Variants in MBOAT4 observed in about 807,000 individuals in gnomAD.
MBOAT4 encodes membrane-bound ghrelin O-acyltransferase MBOAT4.
Under a neutral mutation model 13.2 loss-of-function variants are expected in MBOAT4, and 11 were observed. The ratio of observed to expected loss-of-function variants is 0.84; its 90% CI spans 0.53 to 1.38. The LOEUF (loss-of-function observed/expected upper bound fraction) is 1.38. Among genes scored for constraint, MBOAT4 ranks in the 40% most tolerant of loss-of-function variants. The pLI, the probability that MBOAT4 is intolerant of heterozygous loss-of-function variation, is 0.00. For missense variants in MBOAT4, 481 were observed against 527.2 expected (o/e 0.91, Z 0.86); for synonymous variants, 202 against 210.3 (o/e 0.96, Z 0.34).
intron 2 of MBOAT4, chr8:30,138,310 ACACTAACATT>A: frequency 2.2e-6 from 1 of 450,718 alleles, no homozygotes; most frequent in Non-Finnish European, 4.1e-6. Flanking sequence ...CTGGGCGGTT[ACACTAACATT>A]CACAACAATC....
intron 1 of MBOAT4, among the ~76,000 whole-genome samples, chr8:30,140,409 T>C (rs919207373): frequency 6.6e-6 from 1 of 152,266 alleles, no homozygotes; most frequent in African/African-American, 2.4e-5. Flanking sequence ...TGGACTCTTT[T>C]TTGTCAGCAC....
chr8:30,133,213 G>A (rs1803066262), intron 2 of MBOAT4, among the ~76,000 whole-genome samples: 1 of 152,008 alleles, frequency 6.6e-6, no homozygotes, highest in Non-Finnish European at 1.5e-5. Flanking sequence ...CACCGCCCCT[G>A]GCAATATTTA....
In MBOAT4 at chr8:30,138,623, A is replaced by G; in HGVS notation, c.253T>C (p.Trp85Arg). 4 of 1,551,630 alleles carry G rather than the reference A, an allele frequency of 2.6e-6. No individual in the cohort carries two copies. The highest frequency in any genetic ancestry group is 3.5e-6 in the Non-Finnish European group (4 of 1,146,994). Reference sequence around the variant, plus strand: ...CAGCTCATCTGAAAGCAGAAGGTCCACCTGTGGACTTGCTGAGGAGCCAGG... The same window carrying G: ...CAGCTCATCTGAAAGCAGAAGGTCCGCCTGTGGACTTGCTGAGGAGCCAGG... ...CSLAPQQVHR[W>R]TFCFQMSWQT... The change falls in exon 2 of 3, where the codon TGG becomes CGG. Residue 85 changes from tryptophan (W) to arginine (R), a missense_variant. By Grantham distance (101) the Trp-to-Arg change is moderately radical. Transcript: ENST00000320542.
Position 30,132,773 on chromosome 8 carries a change from A to G in MBOAT4, c.478T>C (p.Cys160Arg). The G allele has an allele frequency of 6.4e-7, 1 of 1,551,750 alleles. No individual in the cohort carries two copies. The highest frequency in any genetic ancestry group is 1.2e-5 in the South Asian group (1 of 84,062). The change falls in exon 3 of 3, where the codon TGT becomes CGT. Residue 160 changes from cysteine (C) to arginine (R), a missense_variant. Transcript: ENST00000320542. ...RSRSSLSEHV[C>R]KALPYFSYLL... is the part of the protein sequence containing the mutation. Reference sequence around the variant, plus strand: ...TAGCTGAAATAGGGCAGTGCCTTACACACATGCTCAGACAAAGAGCTCCTG... The same window carrying G: ...TAGCTGAAATAGGGCAGTGCCTTACGCACATGCTCAGACAAAGAGCTCCTG...
intron 1 of MBOAT4, among the ~76,000 whole-genome samples, chr8:30,141,880 G>A (rs1184858641): frequency 1.3e-5 from 2 of 152,146 alleles, no homozygotes; most frequent in East Asian, 3.9e-4. Context: ...CAGTGTGAGA[G>A]CATCTATGAC....
chr8:30,139,342 G>A (rs553977208), intron 1 of MBOAT4, among the ~76,000 whole-genome samples: 36 of 151,998 alleles, frequency 2.4e-4, no homozygotes, highest in South Asian at 1.0e-3. Context: ...GTATTCCACC[G>A]CCTGCCCCTG....
At chr8:30,142,000 G>A (rs968551809) in intron 1 of MBOAT4, among the ~76,000 whole-genome samples, 1 of 152,062 alleles carries the variant, frequency 6.6e-6, no homozygotes. Flanking sequence ...TCCCTGCTAT[G>A]GGAAAACAAA....
rs1325942776 is a variant in MBOAT4, at chr8:30,131,943, T to A, written c.1308A>T (p.Ter436CysextTer15). The A allele has an allele frequency of 6.5e-7, 1 of 1,541,106 alleles. No individual in the cohort carries two copies. The highest frequency in any genetic ancestry group is 1.2e-5 in the South Asian group (1 of 83,118). ...LLAKRKHKCN[*>C] ...TTAAGGTGAAAGCCAGGGAAAGATG[T>A]CAGTTACATTTGTGCTTTCTCTTCG... Residue 436 changes from the stop codon to cysteine, a stop_lost, in exon 3 of 3, where the codon TGA (stop) becomes TGT (cysteine). Coordinates refer to ENST00000320542, the MANE Select transcript of MBOAT4 (RefSeq NM_001100916.2).
At chr8:30,139,500 G>A (rs530852147) in intron 1 of MBOAT4, among the ~76,000 whole-genome samples, 5 of 152,134 alleles carry the variant, frequency 3.3e-5, no homozygotes, top group South Asian at 2.1e-4. Flanking sequence ...TCACAGGGTC[G>A]TGCTACCCGG....
At chr8:30,133,074 T>G in intron 2 of MBOAT4, among the ~76,000 whole-genome samples, 168 bp from the exon 3 acceptor site, 1 of 152,110 alleles carries the variant, frequency 6.6e-6, no homozygotes, top group East Asian at 1.9e-4. Context: ...ATAAAATAAA[T>G]CAATCTTATT....
rs16876563 is a variant in MBOAT4, at chr8:30,132,559, C to A, written c.692G>T (p.Gly231Val). 1 of 1,551,686 alleles carries A rather than the reference C, an allele frequency of 6.4e-7. No individual in the cohort carries two copies. The highest frequency in any genetic ancestry group is 8.7e-7 in the Non-Finnish European group (1 of 1,147,010). The change falls in exon 3 of 3, where the codon GGA becomes GTA. Residue 231 changes from glycine (G) to valine (V), a missense_variant. Physicochemically the swap from Gly to Val is moderately radical, Grantham distance 109 (BLOSUM62 -3). Transcript: ENST00000320542. Reference protein sequence around the residue: ...AVSRVVDAGAGLTDCQQFECI... With the variant: ...AVSRVVDAGAVLTDCQQFECI... The stretch of plus-strand genomic sequence containing the variant: ...CTCGAATTGCTGGCAATCAGTCAGT[C>A]CCGCTCCTGCATCCACCACCCTGCT...
intron 2 of MBOAT4, among the ~76,000 whole-genome samples, chr8:30,134,459 T>TC (rs1483097777): frequency 6.6e-6 from 1 of 152,026 alleles, no homozygotes; most frequent in Non-Finnish European, 1.5e-5. Context: ...AAAAAAACTT[T>TC]GTCTTCCTTT....
At chr8:30,139,363 A>C (rs930508525) in intron 1 of MBOAT4, among the ~76,000 whole-genome samples, 1 of 151,978 alleles carries the variant, frequency 6.6e-6, no homozygotes, top group Non-Finnish European at 1.5e-5. Context: ...ACCGTCCTGG[A>C]AGTCTGGCTA....
chr8:30,143,224 T>C (rs752722240), intron 1 of MBOAT4, among the ~76,000 whole-genome samples: 1 of 152,088 alleles, frequency 6.6e-6, no homozygotes, highest in Non-Finnish European at 1.5e-5. Context: ...GGTGTGCACC[T>C]ATAGTCCCAG....
chr8:30,133,693 G>T lies in MBOAT4; in HGVS notation c.345-787C>A, dbSNP rs144460215. Among the ~76,000 whole-genome samples, 693 of 151,488 alleles carry T rather than the reference G, an allele frequency of 4.6e-3. 3 individuals are homozygous for T. Among genetic ancestry groups the T allele is most frequent in the Non-Finnish European group, 7.3e-3 (496 of 67,922 alleles). On this transcript the variant is annotated intron_variant, in intron 2 of 2. Coordinates refer to ENST00000320542, the MANE Select transcript of MBOAT4 (RefSeq NM_001100916.2). ...GGTCCCATCACTTTGGGAGGCTGAC[G>T]TGGGTGGAACCCTTGAGCCCAGGAG...
chr8:30,139,884 C>T lies in MBOAT4; in HGVS notation c.120-1128G>A, dbSNP rs568923139. Among the ~76,000 whole-genome samples, 35 of 152,254 alleles carry T rather than the reference C, an allele frequency of 2.3e-4. No individual in the cohort carries two copies. The South Asian group carries it at 7.3e-3, about 32-fold the overall frequency. ...CTGAGGTGGGAGGATCACTTGAGCC[C>T]ATGAGTTAGAGGCTGCACTTGAGCG... On this transcript the variant is annotated intron_variant, in intron 1 of 2. Transcript: ENST00000320542.
chr8:30,140,441 C>T (rs1233521578), intron 1 of MBOAT4, among the ~76,000 whole-genome samples: 1 of 152,160 alleles, frequency 6.6e-6, no homozygotes, highest in East Asian at 1.9e-4. Context: ...TTTGGGGCCC[C>T]CTGACTTTCT....
chr8:30,143,117 A>G (rs1803288919), intron 1 of MBOAT4, among the ~76,000 whole-genome samples: 1 of 152,198 alleles, frequency 6.6e-6, no homozygotes, highest in Non-Finnish European at 1.5e-5. Flanking sequence ...GCATCATACA[A>G]TATACCCACG....
rs148565192 is a variant in MBOAT4, at chr8:30,131,935, G to A, written c.*8C>T. 234 of 1,538,612 alleles carry A rather than the reference G, an allele frequency of 1.5e-4. No homozygotes were observed. Among genetic ancestry groups the A allele is most frequent in the Non-Finnish European group, 2.0e-4 (222 of 1,138,134 alleles). On this transcript the variant is annotated 3_prime_UTR_variant, in exon 3 of 3. Coordinates refer to ENST00000320542, the MANE Select transcript of MBOAT4 (RefSeq NM_001100916.2). Reference sequence around the variant, plus strand: ...CTGGGTGTTTAAGGTGAAAGCCAGGGAAAGATGTCAGTTACATTTGTGCTT... The same window carrying A: ...CTGGGTGTTTAAGGTGAAAGCCAGGAAAAGATGTCAGTTACATTTGTGCTT...
Sources: gnomAD v4.1 joint callset for allele counts (sites outside exome capture counted in the v4.1 genomes callset) on GRCh38, gnomAD v4.1.1 for gene constraint, MANE v1.5 for transcripts, NCBI Gene and HGNC (gene_info 2026-07-23, HGNC 2026-07-21) for gene names.